FANCB: variants seen among roughly 807,000 people sequenced by gnomAD.
FANCB encodes the protein FA complementation group B.
Under a neutral mutation model 38.9 loss-of-function variants are expected in FANCB, and 5 were observed. The observed-to-expected ratio is 0.13, with a 90% CI of 0.07 to 0.27. FANCB has a LOEUF of 0.27. Among genes scored for constraint, FANCB ranks in the 10% least tolerant of loss-of-function variants. FANCB has a pLI of 1.00. For synonymous variants in FANCB, 236 were observed against 215.4 expected (o/e 1.10, Z -0.84); for missense variants, 573 against 602.7 (o/e 0.95, Z 0.52).
rs1287455938 is a variant in FANCB, at chrX:14,859,169, A to G, written c.1104+13T>C. On this transcript the variant is annotated intron_variant, in intron 4 of 9. Transcript: ENST00000650831. ...GTTCTTAAAATACCATATAATAAGT[A>G]AATAGAACTTACCGAATAGTTTATT... 1 of 1,140,929 alleles carries G rather than the reference A, an allele frequency of 8.8e-7. No homozygotes were observed. The highest frequency in any genetic ancestry group is 1.2e-6 in the Non-Finnish European group (1 of 833,639). The allele number at this position is 1,140,929 out of a possible 1,213,427, so 94.0% of individuals were successfully genotyped here. A position where few individuals can be genotyped will look rare whatever the true frequency, so the allele number is the denominator to read the frequency against.
intron 7 of FANCB, 129 bp from the exon 8 acceptor site, chrX:14,845,415 T>C: frequency 3.7e-6 from 2 of 545,907 alleles, no homozygotes; most frequent in South Asian, 3.0e-5. Context: ...TCATTTCAAA[T>C]GTAAAATATA....
chrX:14,841,560 GT>G (rs912589909), downstream of FANCB, among the ~76,000 whole-genome samples: 2 of 112,113 alleles, frequency 1.8e-5, no homozygotes, highest in African/African-American at 6.5e-5. Flanking sequence ...AGGGTCTACA[GT>G]TTTTGAAATA....
In FANCB at chrX:14,864,659, A is replaced by G; in HGVS notation, c.852T>C (p.Pro284=). ...KNVCQLPFGD[P]CAVQLMDSGG... ...CTGAATCCATAAGTTGAACTGCACA[A>G]GGATCTCCAAATGGAAGCTGGCACA... Residue 284 remains proline (P), a synonymous_variant, in exon 3 of 10, where the codon CCT becomes CCC. Coordinates refer to ENST00000650831, the MANE Select transcript of FANCB (RefSeq NM_001018113.3). 1 of 1,209,557 alleles carries G rather than the reference A, an allele frequency of 8.3e-7. No homozygotes were observed. Among genetic ancestry groups the G allele is most frequent in the Admixed American group, 2.2e-5 (1 of 46,066 alleles).
At chrX:14,708,124 A>T in the FANCB span, among the ~76,000 whole-genome samples, 1 of 111,367 alleles carries the variant, frequency 9.0e-6, no homozygotes, top group Non-Finnish European at 1.9e-5. Context: ...GAGCTTATTC[A>T]TCTCACAGAA....
chrX:14,700,190 A>T, the FANCB span, among the ~76,000 whole-genome samples: 1 of 111,756 alleles, frequency 8.9e-6, no homozygotes, highest in Non-Finnish European at 1.9e-5. Context: ...TGGGTTGGAC[A>T]GACATGCTGA....
downstream of FANCB, chrX:14,834,806 A>T: frequency 3.6e-6 from 2 of 556,612 alleles, no homozygotes; most frequent in Non-Finnish European, 6.3e-6. Flanking sequence ...CAGTTTCCTC[A>T]TCATCAAAAT....
chrX:14,746,277 G>A, the FANCB span, among the ~76,000 whole-genome samples: 5 of 111,820 alleles, frequency 4.5e-5, no homozygotes, highest in Non-Finnish European at 7.5e-5. Context: ...AGAAAAGCAG[G>A]GATGAAAATA....
chrX:14,730,498 G>A, the FANCB span: 1 of 1,155,444 alleles, frequency 8.7e-7, no homozygotes. Context: ...GTGCCCTACA[G>A]ACCCTGGGAC....
the FANCB span, among the ~76,000 whole-genome samples, chrX:14,764,144 T>G: frequency 1.8e-5 from 2 of 111,919 alleles, no homozygotes; most frequent in Admixed American, 1.9e-4. Flanking sequence ...GTCCTCTGTT[T>G]TGGGGTCTCC....
the FANCB span, among the ~76,000 whole-genome samples, chrX:14,767,353 T>C: frequency 8.9e-6 from 1 of 112,004 alleles, no homozygotes; most frequent in Non-Finnish European, 1.9e-5. Context: ...CAGCATCTGT[T>C]GTTTTTTGAC....
the FANCB span, among the ~76,000 whole-genome samples, chrX:14,790,772 CA>C: frequency 9.0e-6 from 1 of 111,217 alleles, no homozygotes; most frequent in Admixed American, 9.6e-5. Flanking sequence ...AATAATCCCA[CA>C]AGAGTGTTGG....
the FANCB span, among the ~76,000 whole-genome samples, chrX:14,735,942 G>A: frequency 1.8e-5 from 2 of 111,762 alleles, no homozygotes; most frequent in Non-Finnish European, 3.8e-5. Flanking sequence ...CCAGAGAGGA[G>A]GAATCTAGAG....
rs191527032 is a variant in FANCB, at chrX:14,869,815, A to T, written c.-191-772T>A. 4.9e-4 allele frequency among the ~76,000 whole-genome samples: 55 copies of T among 111,834 alleles called. No individual in the cohort carries two copies. The South Asian group carries it at 5.2e-3, about 10-fold the overall frequency. Reference sequence around the variant, plus strand: ...TATGAAGCTTAGCATGGCATTCAAAACTCTGTTGTATAATCCTAATTCGAC... The same window carrying T: ...TATGAAGCTTAGCATGGCATTCAAATCTCTGTTGTATAATCCTAATTCGAC... On this transcript the variant is annotated intron_variant, in intron 1 of 9. Coordinates refer to ENST00000650831, the MANE Select transcript of FANCB (RefSeq NM_001018113.3).
the FANCB span, among the ~76,000 whole-genome samples, chrX:14,770,999 T>G: frequency 1.2e-4 from 13 of 111,669 alleles, no homozygotes; most frequent in Non-Finnish European, 2.4e-4. Flanking sequence ...TGCTGAGAGG[T>G]CCGCTGTTAG....
At chrX:14,696,440 G>A in the FANCB span, among the ~76,000 whole-genome samples, 1 of 111,720 alleles carries the variant, frequency 9.0e-6, no homozygotes, top group African/African-American at 3.3e-5. Flanking sequence ...GACTAAGGTT[G>A]GGTTGAGAAA....
the FANCB span, among the ~76,000 whole-genome samples, chrX:14,691,271 CTGTGTGTGTGTGTGTGTGTGTGTGTG>C: frequency 3.8e-3 from 325 of 85,270 alleles, no homozygotes; most frequent in Non-Finnish European, 5.7e-3. Context: ...TAAATATTGA[CTGTGTGTGTGTGTGTGTGTGTGTGTG>C]TGTGTGTGTG....
the FANCB span, among the ~76,000 whole-genome samples, chrX:14,820,807 T>C: frequency 3.5e-4 from 39 of 111,807 alleles, no homozygotes; most frequent in Non-Finnish European, 7.2e-4. Context: ...ATTATAGTTA[T>C]AGATGTTAAC....
chrX:14,748,465 T>G, the FANCB span, among the ~76,000 whole-genome samples: 2 of 112,541 alleles, frequency 1.8e-5, no homozygotes, highest in Non-Finnish European at 3.8e-5. Flanking sequence ...TAATAAATGT[T>G]TGTTGTATTA....
At chrX:14,789,433 A>G in the FANCB span, among the ~76,000 whole-genome samples, 1 of 111,760 alleles carries the variant, frequency 8.9e-6, no homozygotes, top group Non-Finnish European at 1.9e-5. Flanking sequence ...CTGGCAACAT[A>G]GCAAGACCTC....
Sources: gnomAD v4.1 joint callset for allele counts (sites outside exome capture counted in the v4.1 genomes callset) on GRCh38, gnomAD v4.1.1 for gene constraint, MANE v1.5 for transcripts, NCBI Gene and HGNC (gene_info 2026-07-23, HGNC 2026-07-21) for gene names.